PTGES2: variants seen among roughly 807,000 people sequenced by gnomAD.
PTGES2 encodes prostaglandin E synthase 2.
PTGES2 carries 35 observed loss-of-function variants against 44.5 expected under a neutral mutation model. The ratio of observed to expected loss-of-function variants is 0.79; its 90% CI spans 0.60 to 1.04. PTGES2 has a LOEUF of 1.04. PTGES2 is among the 50% of genes least tolerant of loss of function. The pLI, the probability that PTGES2 is intolerant of heterozygous loss-of-function variation, is 0.00. For synonymous variants in PTGES2, 221 were observed against 227.5 expected (o/e 0.97, Z 0.26); for missense variants, 517 against 521.4 (o/e 0.99, Z 0.08).
chr9:128,123,875 C>T lies in PTGES2; in HGVS notation c.537-24G>A. ...GCCTTCGGAGAGAGCCACAATATCA[C>T]CCCAACTCCTTCCCCCTCCGTCCCC... On this transcript the variant is annotated intron_variant, in intron 3 of 6. Coordinates refer to ENST00000338961, the MANE Select transcript of PTGES2 (RefSeq NM_025072.7). This position sits in a 1 kb window ranked among gnomAD's most constrained non-coding sequence, Gnocchi z 4.4. 1 of 1,607,170 alleles carries T rather than the reference C, an allele frequency of 6.2e-7. No individual in the cohort carries two copies. The highest frequency in any genetic ancestry group is 8.5e-7 in the Non-Finnish European group (1 of 1,174,466).
chr9:128,126,180 C>G (rs979801019), intron 1 of PTGES2, among the ~76,000 whole-genome samples: 12 of 152,198 alleles, frequency 7.9e-5, no homozygotes, highest in African/African-American at 2.4e-4. Flanking sequence ...GAAGCTGGAC[C>G]GTGGAGGCAG....
chr9:128,127,861 G>A, upstream of PTGES2: 2 of 853,332 alleles, frequency 2.3e-6, no homozygotes, highest in Non-Finnish European at 3.1e-6. Context: ...TCTCGGGACT[G>A]GGCGTGTGCC....
At position 128,125,467 on chromosome 9, in the gene PTGES2, T is replaced by G. The variant is rs761779738; in HGVS notation, c.280-26A>C. ...CTGCGGGCAGCAGACGGAAAAGGCT[T>G]CTAGACCTGGCACCCCCAGGCCCAG... On this transcript the variant is annotated intron_variant, in intron 1 of 6. Coordinates refer to ENST00000338961, the MANE Select transcript of PTGES2 (RefSeq NM_025072.7). 1.9e-6 allele frequency: 3 copies of G among 1,611,746 alleles called. 1 individual carries two copies. The highest frequency in any genetic ancestry group is 2.2e-5 in the South Asian group (2 of 90,984).
chr9:128,124,533 G>C lies in PTGES2; in HGVS notation c.495C>G (p.Ser165=), dbSNP rs779856270. The C allele has an allele frequency of 6.2e-7, 1 of 1,613,580 alleles. No individual in the cohort carries two copies. Among genetic ancestry groups the C allele is most frequent in the Non-Finnish European group, 8.5e-7 (1 of 1,179,710 alleles). Residue 165 remains serine (S), a synonymous_variant, in exon 3 of 7, where the codon TCC becomes TCG. Transcript: ENST00000338961. Reference sequence around the variant, plus strand: ...TCTTGAGGGCGCTGATGATGACAGAGGAGTCATTTAGTTGTTGCTGGAAGA... The same window carrying C: ...TCTTGAGGGCGCTGATGATGACAGACGAGTCATTTAGTTGTTGCTGGAAGA... ...EGESSQQLND[S]SVIISALKTY...
Position 128,122,923 on chromosome 9 carries a change from C to A in PTGES2, c.887+11G>T. ...GGGGACAGCAGGCCCCGGATGTGCACACACACTTGCCTGCTCTTGAGTCGC... is the reference window on the plus strand; with the variant it reads ...GGGGACAGCAGGCCCCGGATGTGCAAACACACTTGCCTGCTCTTGAGTCGC... On this transcript the variant is annotated intron_variant, in intron 5 of 6. Coordinates refer to ENST00000338961, the MANE Select transcript of PTGES2 (RefSeq NM_025072.7). 8 of 1,613,750 alleles carry A rather than the reference C, an allele frequency of 5.0e-6. No individual in the cohort carries two copies. The highest frequency in any genetic ancestry group is 6.8e-6 in the Non-Finnish European group (8 of 1,179,844).
rs1396103174 is a variant in PTGES2 at position 128,124,596 on chromosome 9, CTGGGAG to C, written c.478-52_478-47del. ...TTAATCAGAGGTTGCAACCCAGCCG[CTGGGAG>C]TCACCAGGGGCTCTTTAACAAGACA... On this transcript the variant is annotated intron_variant, in intron 2 of 6. Coordinates refer to ENST00000338961, the MANE Select transcript of PTGES2 (RefSeq NM_025072.7). The C allele has an allele frequency of 2.5e-6, 4 of 1,577,904 alleles. No homozygotes were observed. The African/African-American group carries it at 4.0e-5, about 16-fold the overall frequency.
In PTGES2 at chr9:128,127,470, T is replaced by C; in HGVS notation, c.248A>G (p.Gln83Arg). ...GGCTGAGCGCTCTGCGTGGAGGTCC[T>C]GGGCGCGCAGGTGCCACCGCGCCGT... ...YHTARWHLRA[Q>R]DLHAERSAAQ... is the part of the protein sequence containing the mutation. Residue 83 changes from glutamine (Q) to arginine (R), a missense_variant, in exon 1 of 7, where the codon CAG becomes CGG. Physicochemically the swap from Gln to Arg is conservative, Grantham distance 43. Transcript: ENST00000338961. 1 of 1,402,912 alleles carries C rather than the reference T, an allele frequency of 7.1e-7. No individual in the cohort carries two copies. Among genetic ancestry groups the C allele is most frequent in the Non-Finnish European group, 9.3e-7 (1 of 1,073,896 alleles). 86.9% of individuals were successfully genotyped at this position (1,402,912 alleles called of 1,614,324 possible).
intron 5 of PTGES2, 67 bp downstream of exon 5, chr9:128,122,867 G>T: frequency 1.3e-6 from 2 of 1,538,790 alleles, no homozygotes; most frequent in Non-Finnish European, 9.0e-7. Context: ...GGGTGTGATG[G>T]GATCACCACT....
chr9:128,123,091 G>A lies in PTGES2; in HGVS notation c.730C>T (p.His244Tyr), dbSNP rs769459269. ...CGGTACACATTGGGGGAGATCAGGT[G>A]CACCAGCCAGTCGTCCGCCCACTGC... ...WRQWADDWLV[H>Y]LISPNVYRTP... The change falls in exon 5 of 7, where the codon CAC becomes TAC. Residue 244 changes from histidine (H) to tyrosine (Y), a missense_variant. Transcript: ENST00000338961. The surrounding 1 kb of genome is among the most constrained non-coding windows in gnomAD (Gnocchi z 4.4). 6.2e-7 allele frequency: 1 copy of A among 1,611,564 alleles called. No homozygotes were observed. Among genetic ancestry groups the A allele is most frequent in the African/African-American group, 1.3e-5 (1 of 75,032 alleles).
At chr9:128,128,187 C>G (rs933207368), upstream of PTGES2, 3 of 297,608 alleles carry the variant, frequency 1.0e-5, no homozygotes, top group African/African-American at 2.8e-5. Flanking sequence ...GCGGTTCTCT[C>G]TGCCCTCCCG....
At chr9:128,125,111 T>C (rs1834567610) in intron 2 of PTGES2, 133 bp downstream of exon 2, 1 of 852,488 alleles carries the variant, frequency 1.2e-6, no homozygotes, top group Non-Finnish European at 1.8e-6. Flanking sequence ...CGTATGCAGC[T>C]ACTTCCCCCA....
chr9:128,124,490 AC>A lies in PTGES2; in HGVS notation c.536+1del, dbSNP rs1564210713. On this transcript the variant is annotated splice_donor_variant, in intron 3 of 6. Coordinates refer to ENST00000338961, the MANE Select transcript of PTGES2 (RefSeq NM_025072.7). LOFTEE classifies it high-confidence loss of function. Reference sequence around the variant, plus strand: ...CCACCTGGTCTCCGAGGGGCTCCTTACCCCGACACCAGGTAGGTCTTGAGGG... The same window carrying A: ...CCACCTGGTCTCCGAGGGGCTCCTTACCCGACACCAGGTAGGTCTTGAGGG... 4.3e-6 allele frequency: 7 copies of A among 1,613,406 alleles called. No individual in the cohort carries two copies. The highest frequency in any genetic ancestry group is 5.1e-6 in the Non-Finnish European group (6 of 1,179,638).
In PTGES2 at chr9:128,127,608, C is replaced by T; in HGVS notation, c.110G>A (p.Gly37Asp). 2 of 1,269,122 alleles carry T rather than the reference C, an allele frequency of 1.6e-6. 1 individual carries two copies. Among genetic ancestry groups the T allele is most frequent in the South Asian group, 5.4e-5 (2 of 36,832 alleles). The allele number at this position is 1,269,122 out of a possible 1,614,324, so 78.6% of individuals were successfully genotyped here. Reference protein sequence around the residue: ...QPLLPTQSRAGFAGAAGGPSP... With the variant: ...QPLLPTQSRADFAGAAGGPSP... ...CGGGCCGCCCGCCGCCCCCGCGAAG[C>T]CAGCCCGGCTCTGCGTGGGTAGCAG... Residue 37 changes from glycine (G) to aspartate (D), a missense_variant, in exon 1 of 7, where the codon GGC (glycine) becomes GAC (aspartate). Transcript: ENST00000338961.
chr9:128,124,991 G>T, intron 2 of PTGES2: 1 of 761,784 alleles, frequency 1.3e-6, no homozygotes, highest in African/African-American at 1.8e-5. Flanking sequence ...AACCCAGATC[G>T]CTGATTTCAG....
chr9:128,127,345 A>G, intron 1 of PTGES2, 94 bp downstream of exon 1: 2 of 1,140,696 alleles, frequency 1.8e-6, no homozygotes, highest in Non-Finnish European at 2.2e-6. Flanking sequence ...CAAGGTCACA[A>G]GCAGGCAGAG....
At chr9:128,122,830 GCCT>G in intron 5 of PTGES2, 101 bp downstream of exon 5, 1 of 1,247,658 alleles carries the variant, frequency 8.0e-7, no homozygotes, top group Non-Finnish European at 1.2e-6. Context: ...CCTGCCCTAG[GCCT>G]CGGCCTCCCG....
chr9:128,123,605 G>A lies in PTGES2; in HGVS notation c.686+97C>T. On this transcript the variant is annotated intron_variant, in intron 4 of 6. Transcript: ENST00000338961. This position sits in a 1 kb window ranked among gnomAD's most constrained non-coding sequence, Gnocchi z 4.4. ...GGCCCCAGCCCCGCTGGTCTCCCAT[G>A]CTGCTCCCTGCTCACGCCATCTTGC... 2 of 1,315,702 alleles carry A rather than the reference G, an allele frequency of 1.5e-6. No homozygotes were observed. Among genetic ancestry groups the A allele is most frequent in the Non-Finnish European group, 2.1e-6 (2 of 949,142 alleles). 81.5% of individuals were successfully genotyped at this position (1,315,702 alleles called of 1,614,324 possible).
Position 128,127,606 on chromosome 9 carries a change from A to G in PTGES2, c.112T>C (p.Phe38Leu), listed in dbSNP as rs901366670. ...CTCGGGCCGCCCGCCGCCCCCGCGA[A>G]GCCAGCCCGGCTCTGCGTGGGTAGC... is the stretch of plus-strand genomic sequence containing the variant. ...PLLPTQSRAG[F>L]AGAAGGPSPV... Residue 38 changes from phenylalanine to leucine, a missense_variant, in exon 1 of 7, where the codon TTC (phenylalanine) becomes CTC (leucine). Phe to Leu is a conservative substitution (Grantham distance 22). Coordinates refer to ENST00000338961, the MANE Select transcript of PTGES2 (RefSeq NM_025072.7). 4 of 1,269,290 alleles carry G rather than the reference A, an allele frequency of 3.2e-6. No individual in the cohort carries two copies. The African/African-American group carries it at 6.2e-5, about 20-fold the overall frequency. The allele number at this position is 1,269,290 out of a possible 1,614,324, so 78.6% of individuals were successfully genotyped here. A position where few individuals can be genotyped will look rare whatever the true frequency, so the allele number is the denominator to read the frequency against.
rs1564207009 is a variant in PTGES2, at chr9:128,120,944, T to C, written c.*201A>G. The C allele has an allele frequency of 6.1e-6, 4 of 654,832 alleles. No homozygotes were observed. Among genetic ancestry groups the C allele is most frequent in the African/African-American group, 1.8e-5 (1 of 54,362 alleles). 40.6% of individuals were successfully genotyped at this position (654,832 alleles called of 1,614,324 possible). A position where few individuals can be genotyped will look rare whatever the true frequency, so the allele number is the denominator to read the frequency against. On this transcript the variant is annotated 3_prime_UTR_variant, in exon 7 of 7. Coordinates refer to ENST00000338961, the MANE Select transcript of PTGES2 (RefSeq NM_025072.7). Reference sequence around the variant, plus strand: ...ACAGGGAGGGGTCGCCCCAGGGCAGTGGCAGGGCTGGAACTCGTCCCTAAC... The same window carrying C: ...ACAGGGAGGGGTCGCCCCAGGGCAGCGGCAGGGCTGGAACTCGTCCCTAAC...
Sources: gnomAD v4.1 joint callset for allele counts (sites outside exome capture counted in the v4.1 genomes callset) on GRCh38, gnomAD v4.1.1 for gene constraint, Gnocchi (gnomAD v3.1) non-coding constraint, MANE v1.5 for transcripts, NCBI Gene and HGNC (gene_info 2026-07-23, HGNC 2026-07-21) for gene names.